Variants in MTAP observed in about 807,000 individuals in gnomAD.
MTAP encodes S-methyl-5'-thioadenosine phosphorylase.
A neutral mutation model predicts 33.6 loss-of-function variants in MTAP; 33 were observed. That is an observed-to-expected ratio of 0.98 (90% CI 0.74 to 1.31). The LOEUF is 1.31. Ranked by LOEUF, MTAP falls within the 40% of genes most tolerant of loss-of-function variation. The probability of loss-of-function intolerance (pLI) is 0.00; values close to 1 mark genes in which losing one functional copy is unlikely to be tolerated. For synonymous variants in MTAP, 148 were observed against 125.7 expected, an observed-to-expected ratio of 1.18 and a Z score of -1.19; for missense variants, 367 against 360.0, an observed-to-expected ratio of 1.02 and a Z score of -0.16.
Position 21,863,863 on chromosome 9 carries a change from A to G in MTAP, c.*1849A>G. Reference sequence around the variant, plus strand: ...AAAACAGTTACCCTCCAGTATTAATATGACTCATTAGTGTGAGCCATTTGG... The same window carrying G: ...AAAACAGTTACCCTCCAGTATTAATGTGACTCATTAGTGTGAGCCATTTGG... On this transcript the variant is annotated 3_prime_UTR_variant, in exon 8 of 8. Coordinates refer to ENST00000644715, the MANE Select transcript of MTAP (RefSeq NM_002451.4). The G allele has an allele frequency of 7.1e-6, 7 of 985,816 alleles. No homozygotes were observed. Among genetic ancestry groups the G allele is most frequent in the Non-Finnish European group, 8.4e-6 (7 of 829,928 alleles). The allele number at this position is 985,816 out of a possible 1,614,324, so 61.1% of individuals were successfully genotyped here. A position where few individuals can be genotyped will look rare whatever the true frequency, so the allele number is the denominator to read the frequency against.
chr9:21,896,649 C>G (rs149386920), intron 1 of MTAP, among the ~76,000 whole-genome samples: 1 of 152,090 alleles, frequency 6.6e-6, no homozygotes, highest in Admixed American at 6.6e-5. Flanking sequence ...TGGATAAATT[C>G]CTGGATACAT....
chr9:21,811,907 T>G (rs1174597558), intron 1 of MTAP: 2 of 369,474 alleles, frequency 5.4e-6, no homozygotes, highest in Non-Finnish European at 1.1e-5. Flanking sequence ...CAGCTGTTTT[T>G]ATATCTTGGG....
At chr9:21,859,256 A>C in intron 6 of MTAP, 47 bp from the exon 7 acceptor site, 2 of 1,567,496 alleles carry the variant, frequency 1.3e-6, no homozygotes, top group Non-Finnish European at 1.7e-6. Flanking sequence ...TATGACAAGC[A>C]GTGGAATTTT....
chr9:21,935,775 A>C (rs988831518), downstream of MTAP: 3 of 151,994 alleles, frequency 2.0e-5, no homozygotes, highest in East Asian at 3.9e-4. Flanking sequence ...ACATTGGAGG[A>C]AGAGAGGAGA....
chr9:21,931,621 C>T (rs1818960498), downstream of MTAP: 1 of 155,312 alleles, frequency 6.4e-6, no homozygotes, highest in African/African-American at 2.4e-5. Flanking sequence ...AAACACATGA[C>T]TCATGCACAT....
rs1043010162 is a variant in MTAP, at chr9:21,863,782, GTGTT to G, written c.*1776_*1779del. On this transcript the variant is annotated 3_prime_UTR_variant, in exon 8 of 8. Coordinates refer to ENST00000644715, the MANE Select transcript of MTAP (RefSeq NM_002451.4). ...TATTTAAAGAGTTTGTAAAGTCAAT[GTGTT>G]TGTTTGTGTCTCTGAGATTGACTTC... The G allele has an allele frequency of 3.4e-5, 34 of 985,738 alleles. No homozygotes were observed. Among genetic ancestry groups the G allele is most frequent in the African/African-American group, 5.2e-5 (3 of 57,236 alleles). 61.1% of individuals were successfully genotyped at this position (985,738 alleles called of 1,614,324 possible).
intron 6 of MTAP, among the ~76,000 whole-genome samples, chr9:21,857,738 A>C (rs950949123): frequency 6.6e-6 from 1 of 152,220 alleles, no homozygotes; most frequent in African/African-American, 2.4e-5. Flanking sequence ...ACATGAGCAC[A>C]TTATCATTTT....
At chr9:21,930,683 A>G (rs371860656) in intron 1 of MTAP, 27 of 544,198 alleles carry the variant, frequency 5.0e-5, no homozygotes, top group African/African-American at 4.7e-4. Flanking sequence ...ACACTTTAGC[A>G]GTTGTAGTCC....
At chr9:21,907,747 A>G (rs1202102635) in intron 1 of MTAP, among the ~76,000 whole-genome samples, 6 of 152,034 alleles carry the variant, frequency 3.9e-5, no homozygotes, top group African/African-American at 1.2e-4. Flanking sequence ...CACAAGAAAA[A>G]ATTTTAAATT....
At chr9:21,830,313 TA>T (rs1010099735) in intron 4 of MTAP, among the ~76,000 whole-genome samples, 4 of 152,172 alleles carry the variant, frequency 2.6e-5, no homozygotes, top group African/African-American at 9.7e-5. Flanking sequence ...AACCAAAAAT[TA>T]AAAATAGGAA....
intron 5 of MTAP, among the ~76,000 whole-genome samples, chr9:21,841,795 A>C (rs999277385): frequency 6.6e-6 from 1 of 152,184 alleles, no homozygotes; most frequent in Admixed American, 6.5e-5. Flanking sequence ...TTGAGTTTCA[A>C]CCTCTCCACT....
chr9:21,848,779 G>A (rs1825440954), intron 5 of MTAP, among the ~76,000 whole-genome samples: 1 of 152,136 alleles, frequency 6.6e-6, no homozygotes, highest in South Asian at 2.1e-4. Flanking sequence ...CTGTGGTAAT[G>A]TCAGATCTAA....
intron 1 of MTAP, among the ~76,000 whole-genome samples, chr9:21,886,296 G>C (rs1818110116): frequency 6.6e-6 from 1 of 151,770 alleles, no homozygotes; most frequent in Admixed American, 6.6e-5. Flanking sequence ...ACATTTTGAT[G>C]GGATTGTTTT....
intron 1 of MTAP, among the ~76,000 whole-genome samples, chr9:21,928,023 C>G (rs760846592): frequency 1.3e-5 from 2 of 152,198 alleles, no homozygotes; most frequent in African/African-American, 4.8e-5. Context: ...GCTAAAGAGG[C>G]AGCCATCTCA....
chr9:21,870,201 C>A (rs1180623490), downstream of MTAP, among the ~76,000 whole-genome samples: 8 of 152,212 alleles, frequency 5.3e-5, no homozygotes, highest in African/African-American at 1.9e-4. Flanking sequence ...TCACTCCATG[C>A]CCAAAGTACT....
At position 21,854,665 on chromosome 9, in the gene MTAP, G is replaced by A. The variant is rs143597255; in HGVS notation, c.485G>A (p.Arg162Gln). 2.6e-5 allele frequency: 41 copies of A among 1,606,950 alleles called. No individual in the cohort carries two copies. Among genetic ancestry groups the A allele is most frequent in the Middle Eastern group, 3.3e-4 (2 of 6,030 alleles). The change falls in exon 6 of 8, where the codon CGG becomes CAG. Residue 162 changes from arginine to glutamine, a missense_variant. Coordinates refer to ENST00000644715, the MANE Select transcript of MTAP (RefSeq NM_002451.4). ...LIETAKKLGL[R>Q]CHSKGTMVTI... Reference sequence around the variant, plus strand: ...GAGACTGCTAAGAAGCTAGGACTCCGGTGCCACTCAAAGGGGACAATGGTC... The same window carrying A: ...GAGACTGCTAAGAAGCTAGGACTCCAGTGCCACTCAAAGGGGACAATGGTC...
intron 6 of MTAP, among the ~76,000 whole-genome samples, chr9:21,857,629 G>C (rs537591353): frequency 6.6e-6 from 1 of 152,274 alleles, no homozygotes; most frequent in Admixed American, 6.5e-5. Flanking sequence ...GAGCTTCCAT[G>C]AATTCAGCAT....
rs371243463 is a variant in MTAP at position 21,833,375 on chromosome 9, G to C, written c.348-4533G>C. The stretch of plus-strand genomic sequence containing the variant: ...TTTTTTGTATGTTTTTGTAGAGACA[G>C]GGTTTCACTATGTTGCCTGGGCTGA... On this transcript the variant is annotated intron_variant, in intron 4 of 7. Coordinates refer to ENST00000644715, the MANE Select transcript of MTAP (RefSeq NM_002451.4). 1.5e-4 allele frequency among the ~76,000 whole-genome samples: 23 copies of C among 152,264 alleles called. 1 individual carries two copies. The South Asian group carries it at 3.9e-3, about 26-fold the overall frequency.
intron 1 of MTAP, among the ~76,000 whole-genome samples, chr9:21,804,036 C>T (rs994297612): frequency 2.6e-5 from 4 of 152,140 alleles, no homozygotes; most frequent in African/African-American, 4.8e-5. Flanking sequence ...CATTGTTTGG[C>T]GGAAACAAGG....
Sources: allele counts gnomAD v4.1 joint callset (sites outside exome capture counted in the v4.1 genomes callset), GRCh38; gene constraint gnomAD v4.1.1; transcripts MANE v1.5; gene names NCBI Gene and HGNC (gene_info 2026-07-23, HGNC 2026-07-21).